The following SPECC1 variants were observed in gnomAD, a reference collection of about 807,000 sequenced individuals.
The protein encoded by SPECC1 is sperm antigen with calponin homology and coiled-coil domains 1, also known as cytospin-B.
A neutral mutation model predicts 104.1 loss-of-function variants in SPECC1; 62 were observed. The observed-to-expected ratio is 0.60, with a 90% CI of 0.49 to 0.74. The LOEUF (loss-of-function observed/expected upper bound fraction) is 0.74. Ranked by LOEUF, SPECC1 falls within the 30% of genes least tolerant of loss-of-function variation. SPECC1 has a pLI of 0.00. For synonymous variants in SPECC1, 513 were observed against 501.6 expected (o/e 1.02, Z -0.30); for missense variants, 1,306 against 1,310.5 (o/e 1.00, Z 0.05).
intron 5 of SPECC1, 44 bp downstream of exon 5, chr17:20,227,664 C>T: frequency 6.3e-7 from 1 of 1,576,970 alleles, no homozygotes. Flanking sequence ...CCTATAATCC[C>T]AGCACTTTGG....
At chr17:20,218,850 A>G (rs1228601880) in intron 4 of SPECC1, among the ~76,000 whole-genome samples, 3 of 152,078 alleles carry the variant, frequency 2.0e-5, no homozygotes, top group Non-Finnish European at 4.4e-5. Context: ...CTCTATCTTC[A>G]TGAGTTCAAT....
At chr17:20,097,712 ACT>A (rs1309335111) in intron 2 of SPECC1, among the ~76,000 whole-genome samples, 2 of 152,134 alleles carry the variant, frequency 1.3e-5, no homozygotes, top group African/African-American at 4.8e-5. Context: ...TGGTGAAGAC[ACT>A]CTTAGAGCTA....
chr17:20,201,258 G>A (rs2036412433), intron 3 of SPECC1, among the ~76,000 whole-genome samples: 1 of 151,212 alleles, frequency 6.6e-6, no homozygotes, highest in Admixed American at 6.6e-5. Flanking sequence ...TCAGGAGATC[G>A]AGACCAGCCT....
intron 14 of SPECC1, among the ~76,000 whole-genome samples, chr17:20,312,706 T>G (rs2041965227): frequency 6.6e-6 from 1 of 152,242 alleles, no homozygotes; most frequent in Non-Finnish European, 1.5e-5. Context: ...AGACATTCTA[T>G]TCTTGTATTC....
At chr17:20,075,055 A>G (rs2046704076) in intron 1 of SPECC1, among the ~76,000 whole-genome samples, 1 of 152,084 alleles carries the variant, frequency 6.6e-6, no homozygotes, top group African/African-American at 2.4e-5. Context: ...GGCGCATGCC[A>G]TCACACCCAG....
intron 1 of SPECC1, among the ~76,000 whole-genome samples, chr17:20,066,629 AT>A (rs1325928002): frequency 6.6e-6 from 1 of 152,180 alleles, no homozygotes; most frequent in Admixed American, 6.5e-5. Flanking sequence ...GGGTTTAATT[AT>A]TTCTACGAAT....
At chr17:20,162,089 C>T (rs549686217) in intron 3 of SPECC1, among the ~76,000 whole-genome samples, 1 of 151,868 alleles carries the variant, frequency 6.6e-6, no homozygotes, top group East Asian at 1.9e-4. Context: ...GCCACCGTGC[C>T]CTGCTCTCAT....
In SPECC1 at chr17:20,315,250, G is replaced by T. The variant is rs1182971055; in HGVS notation, c.*1185G>T. 4.3e-6 allele frequency: 1 copy of T among 232,636 alleles called. No homozygotes were observed. Among genetic ancestry groups the T allele is most frequent in the Non-Finnish European group, 8.5e-6 (1 of 117,746 alleles). 14.4% of individuals were successfully genotyped at this position (232,636 alleles called of 1,614,324 possible). A position where few individuals can be genotyped will look rare whatever the true frequency, so the allele number is the denominator to read the frequency against. Reference sequence around the variant, plus strand: ...CCCCAGGCCTCTTTCATCGGCATGGGAAAAGCCCTTAGGGGTGGGCGGTGA... The same window carrying T: ...CCCCAGGCCTCTTTCATCGGCATGGTAAAAGCCCTTAGGGGTGGGCGGTGA... On this transcript the variant is annotated 3_prime_UTR_variant, in exon 15 of 15. Transcript: ENST00000395527.
intron 1 of SPECC1, among the ~76,000 whole-genome samples, chr17:20,023,715 C>G (rs114211863): frequency 0.069 from 10,470 of 151,852 alleles, 967 homozygotes; most frequent in African/African-American, 0.21. Context: ...ACAAGAAAGA[C>G]TCTGAATAAA....
chr17:20,185,860 CAG>C (rs2035238757), intron 3 of SPECC1, among the ~76,000 whole-genome samples: 1 of 152,062 alleles, frequency 6.6e-6, no homozygotes, highest in South Asian at 2.1e-4. Context: ...TTTTTTGAGG[CAG>C]AGTCTCTCTG....
intron 3 of SPECC1, among the ~76,000 whole-genome samples, chr17:20,150,772 T>C (rs2031933586): frequency 6.6e-6 from 1 of 152,142 alleles, no homozygotes; most frequent in South Asian, 2.1e-4. Flanking sequence ...GTTCTGGTCA[T>C]AGTAGTAAAA....
chr17:20,216,123 T>C (rs2037474518), intron 4 of SPECC1, among the ~76,000 whole-genome samples: 1 of 152,182 alleles, frequency 6.6e-6, no homozygotes, highest in South Asian at 2.1e-4. Context: ...ATCCAGCATG[T>C]ATCAAGTGGC....
rs771711468 is a variant in SPECC1 at position 20,204,837 on chromosome 17, C to T, written c.788C>T (p.Ser263Leu). Reference protein sequence around the residue: ...KLIYLEHSPNSEGAASHTGDS... With the variant: ...KLIYLEHSPNLEGAASHTGDS... ...ATCTATCTTGAGCACTCCCCAAATTCAGAAGGGGCAGCAAGTCACACTGGC... is the reference window on the plus strand; with the variant it reads ...ATCTATCTTGAGCACTCCCCAAATTTAGAAGGGGCAGCAAGTCACACTGGC... The change falls in exon 4 of 15, where the codon TCA (serine) becomes TTA (leucine). Residue 263 changes from serine to leucine, a missense_variant. Ser to Leu is a moderately radical substitution (Grantham distance 145). Around this residue, in one of 2 missense-constraint regions of SPECC1, gnomAD observed 1,177 missense variants for 1,139.9 expected, o/e 1.03. Coordinates refer to ENST00000395527, the MANE Select transcript of SPECC1 (RefSeq NM_001243439.2). 4 of 1,614,040 alleles carry T rather than the reference C, an allele frequency of 2.5e-6. No homozygotes were observed. The highest frequency in any genetic ancestry group is 3.4e-6 in the Non-Finnish European group (4 of 1,180,026).
intron 3 of SPECC1, among the ~76,000 whole-genome samples, chr17:20,153,709 CA>C (rs2032216375): frequency 6.6e-6 from 1 of 152,170 alleles, no homozygotes; most frequent in Admixed American, 6.5e-5. Flanking sequence ...TGACATTTTA[CA>C]GAATTAGTAT....
At chr17:20,184,469 T>A (rs2035126886) in intron 3 of SPECC1, among the ~76,000 whole-genome samples, 1 of 152,180 alleles carries the variant, frequency 6.6e-6, no homozygotes, top group Non-Finnish European at 1.5e-5. Flanking sequence ...TATTTTGCTC[T>A]TAGAAACAGC....
intron 11 of SPECC1, 24 bp from the exon 12 acceptor site, chr17:20,260,168 C>T (rs780618769): frequency 6.3e-7 from 1 of 1,585,024 alleles, no homozygotes; most frequent in African/African-American, 1.4e-5. Flanking sequence ...CTTCTCCTTA[C>T]CATGTGCTCT....
intron 5 of SPECC1, 93 bp downstream of exon 5, chr17:20,227,713 G>A (rs1041057324): frequency 2.7e-5 from 33 of 1,212,126 alleles, no homozygotes; most frequent in Non-Finnish European, 3.5e-5. Context: ...TCAGAAGTTC[G>A]AGACCCAGCC....
intron 8 of SPECC1, 113 bp from the exon 9 acceptor site, chr17:20,247,105 AC>A: frequency 2.8e-6 from 2 of 704,970 alleles, no homozygotes; most frequent in Non-Finnish European, 4.7e-6. Context: ...TAAATATTAC[AC>A]TAAACACGGA....
intron 3 of SPECC1, among the ~76,000 whole-genome samples, chr17:20,125,029 A>G (rs1291774484): frequency 6.6e-6 from 1 of 152,022 alleles, no homozygotes; most frequent in Non-Finnish European, 1.5e-5. Context: ...AAATACAAAA[A>G]ATCAGCCAGG....
Sources: allele counts gnomAD v4.1 joint callset (sites outside exome capture counted in the v4.1 genomes callset), GRCh38; gene constraint gnomAD v4.1.1; regional missense constraint gnomAD v4.1.1; transcripts MANE v1.5; gene names NCBI Gene and HGNC (gene_info 2026-07-23, HGNC 2026-07-21).